PLPP1: variants seen among roughly 807,000 people sequenced by gnomAD.
PLPP1 encodes phospholipid phosphatase 1.
Under a neutral mutation model 31.2 loss-of-function variants are expected in PLPP1, and 24 were observed. That is an observed-to-expected ratio of 0.77 (90% CI 0.56 to 1.08). The LOEUF is 1.08. PLPP1 is among the 50% of genes least tolerant of loss of function. PLPP1 has a pLI of 0.00. For synonymous variants in PLPP1, 146 were observed against 126.3 expected (o/e 1.16, Z -1.05); for missense variants, 319 against 342.7 (o/e 0.93, Z 0.55).
At chr5:55,433,507 A>AT (rs561889897) in intron 4 of PLPP1, among the ~76,000 whole-genome samples, 600 of 59,824 alleles carry the variant, frequency 0.01, 17 homozygotes, top group African/African-American at 0.025. Flanking sequence ...AATCTCTAGC[A>AT]TTTTTTTTTT....
chr5:55,445,430 CCTGA>C (rs1269009701), intron 3 of PLPP1, among the ~76,000 whole-genome samples: 1 of 152,112 alleles, frequency 6.6e-6, no homozygotes, highest in Non-Finnish European at 1.5e-5. Context: ...CTTCCCACCA[CCTGA>C]CTTTCTTCCT....
At chr5:55,482,907 C>T (rs776002276) in intron 1 of PLPP1, among the ~76,000 whole-genome samples, 1 of 152,112 alleles carries the variant, frequency 6.6e-6, no homozygotes, top group African/African-American at 2.4e-5. Context: ...GCTTTGTGGG[C>T]AGCTTCTCTA....
At chr5:55,524,671 G>A (rs963090084) in intron 1 of PLPP1, among the ~76,000 whole-genome samples, 1 of 152,012 alleles carries the variant, frequency 6.6e-6, no homozygotes, top group Admixed American at 6.6e-5. Context: ...TTAGCCCGAC[G>A]TGGTGGTGGG....
intron 3 of PLPP1, among the ~76,000 whole-genome samples, chr5:55,447,520 A>G (rs1182040624): frequency 6.6e-6 from 1 of 152,220 alleles, no homozygotes; most frequent in Non-Finnish European, 1.5e-5. Context: ...TACTTTCACA[A>G]AAACTCTCGT....
intron 1 of PLPP1, among the ~76,000 whole-genome samples, chr5:55,483,425 C>T (rs931863447): frequency 3.3e-5 from 5 of 151,962 alleles, no homozygotes; most frequent in Admixed American, 6.6e-5. Flanking sequence ...AATCCCAGAA[C>T]TTTGGGGAGG....
chr5:55,532,775 G>A (rs1413210898), intron 1 of PLPP1, among the ~76,000 whole-genome samples: 3 of 152,020 alleles, frequency 2.0e-5, no homozygotes, highest in Admixed American at 1.3e-4. Flanking sequence ...TGGCCAAGAC[G>A]GTGAAACCCC....
At chr5:55,485,870 T>TG (rs1752766428) in intron 1 of PLPP1, among the ~76,000 whole-genome samples, 1 of 152,212 alleles carries the variant, frequency 6.6e-6, no homozygotes, top group Non-Finnish European at 1.5e-5. Context: ...CCCCTACAGC[T>TG]GAACTTACTT....
chr5:55,530,671 G>C, intron 1 of PLPP1: 2 of 1,599,524 alleles, frequency 1.3e-6, no homozygotes, highest in South Asian at 2.2e-5. Flanking sequence ...ATATTTTCAA[G>C]GTCTAAGGCC....
At chr5:55,522,875 C>A (rs573018901) in intron 1 of PLPP1, among the ~76,000 whole-genome samples, 2 of 152,088 alleles carry the variant, frequency 1.3e-5, no homozygotes, top group South Asian at 4.1e-4. Context: ...CCCGCCACCA[C>A]GCCCAGCTAA....
At chr5:55,444,946 C>T (rs1164574924) in intron 3 of PLPP1, among the ~76,000 whole-genome samples, 2 of 152,128 alleles carry the variant, frequency 1.3e-5, no homozygotes, top group South Asian at 2.1e-4. Flanking sequence ...GATGGGGTTT[C>T]GCCCTGTTGG....
At chr5:55,532,115 T>C (rs1740689149) in intron 1 of PLPP1, among the ~76,000 whole-genome samples, 1 of 152,212 alleles carries the variant, frequency 6.6e-6, no homozygotes, top group Non-Finnish European at 1.5e-5. Flanking sequence ...AGCAATGAAA[T>C]TAACCTTTAT....
chr5:55,436,310 G>T (rs1751491963), intron 4 of PLPP1, among the ~76,000 whole-genome samples: 1 of 152,156 alleles, frequency 6.6e-6, no homozygotes, highest in Admixed American at 6.5e-5. Flanking sequence ...CCAGTGGGAG[G>T]TAACTGAATC....
intron 1 of PLPP1, among the ~76,000 whole-genome samples, 167 bp from the exon 2 acceptor site, chr5:55,475,617 G>T (rs1752521579): frequency 6.6e-6 from 1 of 152,224 alleles, no homozygotes; most frequent in African/African-American, 2.4e-5. Context: ...AAGTTAGAAA[G>T]ATTACAGTTT....
chr5:55,478,383 C>T (rs1752602352), intron 1 of PLPP1, among the ~76,000 whole-genome samples: 1 of 152,110 alleles, frequency 6.6e-6, no homozygotes, highest in African/African-American at 2.4e-5. Context: ...AGGCACAGTA[C>T]ATAATTATAG....
chr5:55,530,381 A>T, intron 1 of PLPP1: 1 of 1,309,696 alleles, frequency 7.6e-7, no homozygotes, highest in Non-Finnish European at 1.1e-6. Flanking sequence ...GATCCAGTAA[A>T]CGCTCTCTGG....
chr5:55,459,551 G>A lies in PLPP1; in HGVS notation c.491+8318C>T, dbSNP rs140731324. 5.5e-4 allele frequency among the ~76,000 whole-genome samples: 83 copies of A among 152,236 alleles called. 2 individuals are homozygous for A. The East Asian group carries it at 0.014, about 25-fold the overall frequency. ...TATGTGAAAAATGTGGGGGCCCAGG[G>A]GGATGGGAATCAACTAATTTGAAAG... On this transcript the variant is annotated intron_variant, in intron 3 of 5. Coordinates refer to ENST00000307259, the MANE Select transcript of PLPP1 (RefSeq NM_003711.4).
intron 1 of PLPP1, among the ~76,000 whole-genome samples, chr5:55,531,624 A>G (rs1295700215): frequency 3.3e-5 from 5 of 152,202 alleles, no homozygotes; most frequent in Non-Finnish European, 7.3e-5. Context: ...AGAAAAAGGA[A>G]ATTTATGCCA....
At chr5:55,529,175 C>T (rs938671918) in intron 1 of PLPP1, among the ~76,000 whole-genome samples, 1 of 151,766 alleles carries the variant, frequency 6.6e-6, no homozygotes, top group Non-Finnish European at 1.5e-5. Context: ...CACTTCAACC[C>T]CCTATTGCTT....
At chr5:55,438,292 C>T (rs1251720620) in intron 4 of PLPP1, among the ~76,000 whole-genome samples, 3 of 152,206 alleles carry the variant, frequency 2.0e-5, no homozygotes, top group Non-Finnish European at 2.9e-5. Flanking sequence ...CAAAGCAGCC[C>T]TGCCCTGAGC....
Sources: allele counts gnomAD v4.1 joint callset (sites outside exome capture counted in the v4.1 genomes callset), GRCh38; gene constraint gnomAD v4.1.1; transcripts MANE v1.5; gene names NCBI Gene and HGNC (gene_info 2026-07-23, HGNC 2026-07-21).